The following KDM4C variants were observed in gnomAD, a reference collection of about 807,000 sequenced individuals.
KDM4C encodes the protein lysine-specific demethylase 4C.
Under a neutral mutation model 129.3 loss-of-function variants are expected in KDM4C, and 81 were observed. The observed-to-expected ratio is 0.63, with a 90% CI of 0.52 to 0.75. KDM4C has a LOEUF of 0.75. KDM4C is among the 30% of genes least tolerant of loss of function. The probability of loss-of-function intolerance (pLI) is 0.00; values close to 1 mark genes in which losing one functional copy is unlikely to be tolerated. For synonymous variants in KDM4C, 573 were observed against 456.1 expected, an observed-to-expected ratio of 1.26 and a Z score of -3.26; for missense variants, 1,457 against 1,304.0, an observed-to-expected ratio of 1.12 and a Z score of -1.81.
chr9:6,721,970 C>T (rs1301218979), intron 1 of KDM4C, among the ~76,000 whole-genome samples: 1 of 152,122 alleles, frequency 6.6e-6, no homozygotes, highest in African/African-American at 2.4e-5. Context: ...AATCCTCTTG[C>T]CTTGACCTCC....
At chr9:6,852,645 G>A (rs775210743) in intron 5 of KDM4C, among the ~76,000 whole-genome samples, 4 of 152,050 alleles carry the variant, frequency 2.6e-5, no homozygotes, top group Non-Finnish European at 4.4e-5. Context: ...CTAGTGGGTG[G>A]CCTCTCCTGT....
At chr9:6,978,308 C>T (rs1833272023) in intron 8 of KDM4C, among the ~76,000 whole-genome samples, 1 of 152,180 alleles carries the variant, frequency 6.6e-6, no homozygotes, top group Non-Finnish European at 1.5e-5. Flanking sequence ...TTTTTCACAT[C>T]TTCCATTGCA....
chr9:6,902,109 T>G (rs1387790704), intron 8 of KDM4C, among the ~76,000 whole-genome samples: 2 of 152,218 alleles, frequency 1.3e-5, no homozygotes, highest in Non-Finnish European at 2.9e-5. Context: ...TCTATTTTTT[T>G]CCACCAGTAT....
chr9:7,120,954 T>C (rs1839423529), intron 18 of KDM4C, among the ~76,000 whole-genome samples: 1 of 152,226 alleles, frequency 6.6e-6, no homozygotes, highest in Non-Finnish European at 1.5e-5. Context: ...TTTTTATATG[T>C]AGTATTTCAG....
At chr9:6,787,259 G>A (rs1461465219) in intron 1 of KDM4C, among the ~76,000 whole-genome samples, 1 of 152,176 alleles carries the variant, frequency 6.6e-6, no homozygotes, top group Non-Finnish European at 1.5e-5. Flanking sequence ...TTGAGACGGA[G>A]TCTTTATCTG....
chr9:6,848,191 G>A (rs1002505358), intron 4 of KDM4C, among the ~76,000 whole-genome samples: 1 of 152,138 alleles, frequency 6.6e-6, no homozygotes, highest in Non-Finnish European at 1.5e-5. Flanking sequence ...ACTGCACCTG[G>A]CCAATGCGCT....
intron 8 of KDM4C, among the ~76,000 whole-genome samples, chr9:6,973,303 A>G (rs2821443): frequency 0.43 from 64,749 of 152,012 alleles, 14,205 homozygotes; most frequent in African/African-American, 0.52. Context: ...TCAGCCTTCC[A>G]AAGTGCTAGG....
intron 15 of KDM4C, among the ~76,000 whole-genome samples, chr9:7,030,088 G>A (rs1366414006): frequency 6.6e-6 from 1 of 152,014 alleles, no homozygotes; most frequent in Non-Finnish European, 1.5e-5. Context: ...AGAAGATTTG[G>A]CTTTATTAAA....
chr9:6,850,807 T>G (rs1004797636), intron 5 of KDM4C, among the ~76,000 whole-genome samples: 1 of 152,176 alleles, frequency 6.6e-6, no homozygotes, highest in African/African-American at 2.4e-5. Context: ...CAGGCTGGAG[T>G]GCAGTGGTGC....
At chr9:6,785,421 C>G (rs941462033) in intron 1 of KDM4C, among the ~76,000 whole-genome samples, 3 of 151,806 alleles carry the variant, frequency 2.0e-5, no homozygotes, top group Admixed American at 2.0e-4. Context: ...ACTGCAAACT[C>G]TGCCTCCCGG....
intron 17 of KDM4C, 117 bp from the exon 18 acceptor site, chr9:7,103,568 A>G (rs1050543791): frequency 1.6e-5 from 13 of 795,806 alleles, no homozygotes; most frequent in Non-Finnish European, 2.2e-5. Context: ...GGACTTGTTG[A>G]TGTAATCAGT....
chr9:6,823,604 C>G (rs542927436), intron 4 of KDM4C, among the ~76,000 whole-genome samples: 3 of 152,224 alleles, frequency 2.0e-5, no homozygotes, highest in African/African-American at 7.2e-5. Flanking sequence ...AATCACGTTG[C>G]TCCTTCGTTG....
At chr9:7,063,209 C>G (rs550222734) in intron 17 of KDM4C, among the ~76,000 whole-genome samples, 14 of 152,238 alleles carry the variant, frequency 9.2e-5, no homozygotes, top group Admixed American at 3.3e-4. Flanking sequence ...CAAAAAAATT[C>G]TAATTGCTTT....
chr9:6,950,259 TTC>T (rs1827896147), intron 8 of KDM4C, among the ~76,000 whole-genome samples: 1 of 152,346 alleles, frequency 6.6e-6, no homozygotes, highest in South Asian at 2.1e-4. Context: ...ATGTGAACTA[TTC>T]TTTCTATAGT....
intron 6 of KDM4C, 36 bp from the exon 7 acceptor site, chr9:6,887,924 G>T: frequency 1.7e-6 from 2 of 1,194,002 alleles, no homozygotes; most frequent in South Asian, 2.4e-5. Flanking sequence ...TCTCTTAATC[G>T]ACACAGTGCC....
At chr9:6,951,400 T>C (rs1009547458) in intron 8 of KDM4C, among the ~76,000 whole-genome samples, 2 of 152,214 alleles carry the variant, frequency 1.3e-5, no homozygotes, top group Non-Finnish European at 2.9e-5. Flanking sequence ...CAGTTTCTTC[T>C]AGTCATGATC....
chr9:6,835,135 A>G lies in KDM4C; in HGVS notation c.436-14372A>G, dbSNP rs528971600. 290 of 996,132 alleles carry G rather than the reference A, an allele frequency of 2.9e-4. No individual in the cohort carries two copies. The African/African-American group carries it at 3.6e-3, about 12-fold the overall frequency. 61.7% of individuals were successfully genotyped at this position (996,132 alleles called of 1,614,324 possible). ...TCTGGCCTTCGAGCAGGAGATGGCCATGGCGGCTTCCAGCTCCTCCCTGGA... is the reference window on the plus strand; with the variant it reads ...TCTGGCCTTCGAGCAGGAGATGGCCGTGGCGGCTTCCAGCTCCTCCCTGGA... On this transcript the variant is annotated intron_variant, in intron 4 of 21. Coordinates refer to ENST00000381309, the MANE Select transcript of KDM4C (RefSeq NM_015061.6).
intron 8 of KDM4C, among the ~76,000 whole-genome samples, chr9:6,949,234 T>G (rs962088206): frequency 1.4e-5 from 2 of 142,748 alleles, no homozygotes; most frequent in African/African-American, 5.3e-5. Flanking sequence ...GAGACGCTCC[T>G]CACCTCCCAG....
chr9:7,151,856 A>G (rs1842760950), intron 19 of KDM4C, among the ~76,000 whole-genome samples: 1 of 152,224 alleles, frequency 6.6e-6, no homozygotes, highest in African/African-American at 2.4e-5. Context: ...GTGTGGAAGC[A>G]TTCCACATTT....
Sources: allele counts gnomAD v4.1 joint callset (sites outside exome capture counted in the v4.1 genomes callset), GRCh38; gene constraint gnomAD v4.1.1; transcripts MANE v1.5; gene names NCBI Gene and HGNC (gene_info 2026-07-23, HGNC 2026-07-21).